The following ROCK1 variants were observed in gnomAD, a reference collection of about 807,000 sequenced individuals.
ROCK1 encodes the protein Rho associated coiled-coil containing protein kinase 1, also known as rho-associated protein kinase 1.
ROCK1 carries 36 observed loss-of-function variants against 196.8 expected under a neutral mutation model. The observed-to-expected ratio is 0.18, with a 90% CI of 0.14 to 0.24. ROCK1 has a LOEUF of 0.24. Among genes scored for constraint, ROCK1 ranks in the 10% least tolerant of loss-of-function variants. ROCK1 has a pLI of 1.00. For missense variants in ROCK1, 920 were observed against 1,562.0 expected (o/e 0.59, Z 6.93); for synonymous variants, 443 against 515.9 (o/e 0.86, Z 1.91).
At chr18:20,952,200 T>G (rs1312607837) in intron 32 of ROCK1, among the ~76,000 whole-genome samples, 1 of 151,916 alleles carries the variant, frequency 6.6e-6, no homozygotes, top group Non-Finnish European at 1.5e-5. Context: ...CTGGCCAACA[T>G]GTTAAACTCC....
intron 1 of ROCK1, among the ~76,000 whole-genome samples, chr18:21,081,013 C>T (rs2036478328): frequency 6.6e-6 from 1 of 152,168 alleles, no homozygotes; most frequent in African/African-American, 2.4e-5. Context: ...ACCAACTGGA[C>T]CTAACAGATT....
Position 20,950,335 on chromosome 18 carries a change from TTTAAA to T in ROCK1, c.*1044_*1048del, listed in dbSNP as rs1366758717. ...GAAAGTCCAACAAACCTCTAAATAT[TTTAAA>T]TTAAACCAATTATCAATGAAAAACT... On this transcript the variant is annotated 3_prime_UTR_variant, in exon 33 of 33. Transcript: ENST00000399799. 2 of 152,636 alleles carry T rather than the reference TTTAAA, an allele frequency of 1.3e-5. No homozygotes were observed. The highest frequency in any genetic ancestry group is 1.9e-4 in the East Asian group (1 of 5,206). 9.5% of individuals were successfully genotyped at this position (152,636 alleles called of 1,614,324 possible).
At chr18:21,095,331 T>C (rs575855910) in intron 1 of ROCK1, among the ~76,000 whole-genome samples, 49 of 152,098 alleles carry the variant, frequency 3.2e-4, no homozygotes, top group African/African-American at 1.2e-3. Flanking sequence ...AAACTACCCA[T>C]AGAATCCAGC....
chr18:20,980,869 T>C lies in ROCK1; in HGVS notation c.2560-865A>G, dbSNP rs1426353116. The stretch of plus-strand genomic sequence containing the variant: ...AGTGGGAGGTTGCAGTGAGCCAAGA[T>C]CATGCCACTACTCTCCAGCCTGGGC... On this transcript the variant is annotated intron_variant, in intron 21 of 32. Coordinates refer to ENST00000399799, the MANE Select transcript of ROCK1 (RefSeq NM_005406.3). Among the ~76,000 whole-genome samples, 3 of 139,404 alleles carry C rather than the reference T, an allele frequency of 2.2e-5. No homozygotes were observed. The Admixed American group carries it at 2.3e-4, about 11-fold the overall frequency. 91.5% of individuals were successfully genotyped at this position (139,404 alleles called of 152,430 possible).
chr18:21,002,446 C>G (rs2035733111), intron 16 of ROCK1, among the ~76,000 whole-genome samples: 1 of 152,034 alleles, frequency 6.6e-6, no homozygotes. Flanking sequence ...TTTAAAAATT[C>G]ACTAATCATC....
At chr18:21,046,401 T>G (rs1379878099) in intron 4 of ROCK1, among the ~76,000 whole-genome samples, 4 of 152,224 alleles carry the variant, frequency 2.6e-5, no homozygotes, top group African/African-American at 4.8e-5. Flanking sequence ...AATCATAAAC[T>G]AATCCATAAA....
chr18:21,062,231 A>C (rs576377796), intron 2 of ROCK1, among the ~76,000 whole-genome samples: 3 of 152,280 alleles, frequency 2.0e-5, no homozygotes, highest in East Asian at 3.9e-4. Flanking sequence ...GGAAAATATA[A>C]GATGAGCCTG....
At chr18:21,036,575 GT>G (rs1179033522) in intron 9 of ROCK1, among the ~76,000 whole-genome samples, 1 of 152,080 alleles carries the variant, frequency 6.6e-6, no homozygotes, top group Non-Finnish European at 1.5e-5. Context: ...CTCCCAAGTA[GT>G]TGAAACATAG....
intron 18 of ROCK1, among the ~76,000 whole-genome samples, chr18:20,989,473 A>G (rs1278479068): frequency 6.6e-6 from 1 of 152,248 alleles, no homozygotes; most frequent in Non-Finnish European, 1.5e-5. Flanking sequence ...GCAGAAGGTG[A>G]GGAAAAGACT....
At chr18:21,040,981 C>T (rs1249786464) in intron 8 of ROCK1, among the ~76,000 whole-genome samples, 2 of 151,762 alleles carry the variant, frequency 1.3e-5, no homozygotes, top group African/African-American at 4.8e-5. Context: ...ATTAGCCAGG[C>T]ATGGTGACAG....
intron 1 of ROCK1, among the ~76,000 whole-genome samples, chr18:21,072,137 G>C (rs2036390883): frequency 6.6e-6 from 1 of 152,152 alleles, no homozygotes. Flanking sequence ...TACTTTTGTT[G>C]TTGTTACACA....
At chr18:21,043,378 G>A (rs559111786) in intron 6 of ROCK1, among the ~76,000 whole-genome samples, 70 of 151,900 alleles carry the variant, frequency 4.6e-4, no homozygotes, top group African/African-American at 1.4e-3. Context: ...ACCTATATTC[G>A]CTGGTATTAA....
chr18:21,100,300 G>GC (rs892879015), intron 1 of ROCK1, among the ~76,000 whole-genome samples: 4 of 151,644 alleles, frequency 2.6e-5, no homozygotes, highest in Non-Finnish European at 5.9e-5. Context: ...GTAAAGAGTA[G>GC]CATTCCCCAC....
At chr18:21,008,868 T>C (rs2035790905) in intron 13 of ROCK1, among the ~76,000 whole-genome samples, 1 of 152,140 alleles carries the variant, frequency 6.6e-6, no homozygotes, top group Non-Finnish European at 1.5e-5. Flanking sequence ...CTTCCCCCAG[T>C]AGAGACATTA....
At chr18:21,099,244 G>A (rs143535065) in intron 1 of ROCK1, among the ~76,000 whole-genome samples, 165 of 152,166 alleles carry the variant, frequency 1.1e-3, no homozygotes, top group African/African-American at 3.6e-3. Context: ...TACTTTTTGC[G>A]TAAGAAAGTG....
intron 19 of ROCK1, among the ~76,000 whole-genome samples, chr18:20,986,567 C>T (rs1364912238): frequency 6.6e-6 from 1 of 152,136 alleles, no homozygotes; most frequent in Non-Finnish European, 1.5e-5. Context: ...CAATCTAAGC[C>T]AGGAAAGACT....
chr18:21,015,458 G>C lies in ROCK1; in HGVS notation c.1383C>G (p.Asp461Glu). The C allele has an allele frequency of 6.4e-7, 1 of 1,565,306 alleles. No homozygotes were observed. The highest frequency in any genetic ancestry group is 1.1e-5 in the South Asian group (1 of 88,618). The change falls in exon 13 of 33, where the codon GAC becomes GAG. Residue 461 changes from aspartate (D) to glutamate (E), a missense_variant. Asp to Glu is a conservative substitution (Grantham distance 45). This residue lies in a region of ROCK1 where 520 missense variants were observed against 657.1 expected (regional missense o/e 0.79). Coordinates refer to ENST00000399799, the MANE Select transcript of ROCK1 (RefSeq NM_005406.3). ...CTTCATCCAATTCTTTCATTATCTTGTCTAGTTTTATGTTTGAGGTTCTGT... is the reference window on the plus strand; with the variant it reads ...CTTCATCCAATTCTTTCATTATCTTCTCTAGTTTTATGTTTGAGGTTCTGT... ...QKCRTSNIKLDKIMKELDEEG... is the reference protein window; with the variant it reads ...QKCRTSNIKLEKIMKELDEEG...
At chr18:21,060,452 A>G (rs544091276) in intron 2 of ROCK1, among the ~76,000 whole-genome samples, 1 of 152,228 alleles carries the variant, frequency 6.6e-6, no homozygotes, top group African/African-American at 2.4e-5. Context: ...TTTGGAAGAC[A>G]GTTTGGCAGT....
At chr18:20,974,236 A>G (rs1207239473) in intron 22 of ROCK1, among the ~76,000 whole-genome samples, 2 of 152,236 alleles carry the variant, frequency 1.3e-5, no homozygotes, top group African/African-American at 4.8e-5. Flanking sequence ...TACAAGAATA[A>G]GGAAAAGCTG....
Sources: gnomAD v4.1 joint callset for allele counts (sites outside exome capture counted in the v4.1 genomes callset) on GRCh38, gnomAD v4.1.1 for gene constraint, gnomAD v4.1.1 regional missense constraint, MANE v1.5 for transcripts, NCBI Gene and HGNC (gene_info 2026-07-23, HGNC 2026-07-21) for gene names.